MYO3A: variants seen among roughly 807,000 people sequenced by gnomAD.
MYO3A encodes the protein myosin IIIA.
In MYO3A, 180 loss-of-function variants were observed where a neutral mutation model predicts 192.7. The observed-to-expected ratio is 0.93, with a 90% CI of 0.83 to 1.06. The LOEUF (loss-of-function observed/expected upper bound fraction) is 1.06, where lower values mean the gene tolerates loss of function less well. Ranked by LOEUF, MYO3A falls within the 50% of genes least tolerant of loss-of-function variation. The pLI is 0.00. For synonymous variants in MYO3A, 628 were observed against 645.3 expected (o/e 0.97, Z 0.41); for missense variants, 1,896 against 1,905.0 (o/e 1.00, Z 0.09).
chr10:26,030,417 C>T (rs1260627112), intron 10 of MYO3A, among the ~76,000 whole-genome samples: 2 of 152,114 alleles, frequency 1.3e-5, no homozygotes, highest in Admixed American at 1.3e-4. Context: ...CCACAACACT[C>T]TCTTGACCAT....
rs138595608 is a variant in MYO3A, at chr10:26,012,551, A to G, written c.509-4269A>G. Among the ~76,000 whole-genome samples the G allele has an allele frequency of 2.4e-3, 361 of 152,266 alleles. 2 individuals are homozygous for G. The highest frequency in any genetic ancestry group is 8.0e-3 in the African/African-American group (332 of 41,570). On this transcript the variant is annotated intron_variant, in intron 6 of 34. Coordinates refer to ENST00000642920, the MANE Select transcript of MYO3A (RefSeq NM_017433.5). ...TTAACTGAACAGGTGAAAGATCTCT[A>G]CAAGGAGAACTACAAAACACTGCCA...
intron 17 of MYO3A, among the ~76,000 whole-genome samples, chr10:26,103,189 A>T (rs1257602535): frequency 1.3e-5 from 2 of 152,196 alleles, no homozygotes; most frequent in Non-Finnish European, 2.9e-5. Context: ...CCTCCGGGCC[A>T]TGTGTGGGAT....
intron 17 of MYO3A, among the ~76,000 whole-genome samples, chr10:26,109,457 T>A (rs1402437): frequency 0.32 from 48,164 of 152,124 alleles, 7,831 homozygotes; most frequent in Middle Eastern, 0.45. Flanking sequence ...AATCTTCTCT[T>A]TGTCTGGCAT....
chr10:26,119,981 T>C, intron 17 of MYO3A, among the ~76,000 whole-genome samples: 1 of 145,132 alleles, frequency 6.9e-6, no homozygotes. Flanking sequence ...CATGGCGAGA[T>C]CCTGTCTCTA....
chr10:26,204,682 T>C (rs532176421), intron 34 of MYO3A, among the ~76,000 whole-genome samples: 7 of 152,338 alleles, frequency 4.6e-5, no homozygotes, highest in African/African-American at 1.2e-4. Context: ...AATTTCTAAG[T>C]TTAGAGTTGA....
rs779505144 is a variant in MYO3A, at chr10:25,997,167, A to G, written c.417A>G (p.Gln139=). The change falls in exon 6 of 35, where the codon CAA becomes CAG. Residue 139 remains glutamine (Q), a synonymous_variant. Transcript: ENST00000642920. ...TATTTCTTATCTTCTAGGGACTTCAACATTTGCATAACAACAAAACTATCC... is the reference window on the plus strand; with the variant it reads ...TATTTCTTATCTTCTAGGGACTTCAGCATTTGCATAACAACAAAACTATCC... ...YILHEALMGL[Q]HLHNNKTIHR... 7 of 1,612,556 alleles carry G rather than the reference A, an allele frequency of 4.3e-6. No individual in the cohort carries two copies. Among genetic ancestry groups the G allele is most frequent in the Middle Eastern group, 1.6e-4 (1 of 6,072 alleles).
chr10:26,023,617 C>G (rs1274120334), intron 8 of MYO3A: 2 of 231,730 alleles, frequency 8.6e-6, no homozygotes, highest in South Asian at 6.5e-5. Context: ...ACACCTTCCT[C>G]CATATTCCAA....
chr10:25,959,387 A>G (rs1197342136), intron 4 of MYO3A, among the ~76,000 whole-genome samples: 1 of 152,170 alleles, frequency 6.6e-6, no homozygotes, highest in Non-Finnish European at 1.5e-5. Flanking sequence ...ATAAAGCAAT[A>G]AAAACATAGA....
chr10:26,014,680 T>C (rs1841883882), intron 6 of MYO3A, among the ~76,000 whole-genome samples: 1 of 152,100 alleles, frequency 6.6e-6, no homozygotes, highest in Non-Finnish European at 1.5e-5. Context: ...ACTATCACAG[T>C]GTCTTAACCT....
At position 26,211,825 on chromosome 10, in the gene MYO3A, C is replaced by T; in HGVS notation, c.4731-18C>T. ...ACTGTGGTGAGGTTGACACTTGGGCCCTGGGTTTCACTTGCAGGTGCTGGG... is the reference window on the plus strand; with the variant it reads ...ACTGTGGTGAGGTTGACACTTGGGCTCTGGGTTTCACTTGCAGGTGCTGGG... On this transcript the variant is annotated intron_variant, in intron 34 of 34. Transcript: ENST00000642920. 3 of 1,613,930 alleles carry T rather than the reference C, an allele frequency of 1.9e-6. No homozygotes were observed. The highest frequency in any genetic ancestry group is 2.5e-6 in the Non-Finnish European group (3 of 1,180,002).
chr10:26,095,340 T>C (rs560672390), intron 15 of MYO3A, among the ~76,000 whole-genome samples: 1 of 152,216 alleles, frequency 6.6e-6, no homozygotes, highest in South Asian at 2.1e-4. Context: ...CCTGTGAGCC[T>C]GGTGATAATG....
intron 32 of MYO3A, among the ~76,000 whole-genome samples, chr10:26,198,962 C>T (rs1423662222): frequency 6.6e-6 from 1 of 152,100 alleles, no homozygotes; most frequent in African/African-American, 2.4e-5. Flanking sequence ...AAAAAGTCCC[C>T]ACTATAAAGT....
At position 25,966,585 on chromosome 10, in the gene MYO3A, A is replaced by T. The variant is rs146941462; in HGVS notation, c.303+11577A>T. Among the ~76,000 whole-genome samples the T allele has an allele frequency of 3.6e-3, 548 of 152,342 alleles. 2 individuals are homozygous for T. The highest frequency in any genetic ancestry group is 5.0e-3 in the Non-Finnish European group (340 of 68,034). ...TGCTACCTGAAAACAAACAAAAAAA[A>T]ACTGAACAGTTTTAGTACCTTTATT... On this transcript the variant is annotated intron_variant, in intron 4 of 34. Transcript: ENST00000642920.
chr10:26,002,717 A>AGTCAGGGTGGACCAGATAATCGG (rs1554800223), intron 6 of MYO3A, among the ~76,000 whole-genome samples: 1 of 149,624 alleles, frequency 6.7e-6, no homozygotes, highest in Admixed American at 6.6e-5. Flanking sequence ...GAGGTAATTG[A>AGTCAGGGTGGACCAGATAATCGG]AAAAGGTTGC....
chr10:25,945,464 C>G (rs1836774093), intron 2 of MYO3A, among the ~76,000 whole-genome samples: 1 of 152,078 alleles, frequency 6.6e-6, no homozygotes, highest in Non-Finnish European at 1.5e-5. Context: ...ATATTGAAAT[C>G]TACTATTATT....
At chr10:26,133,660 C>G (rs1168879644) in intron 20 of MYO3A, among the ~76,000 whole-genome samples, 6 of 152,194 alleles carry the variant, frequency 3.9e-5, no homozygotes, top group Admixed American at 1.3e-4. Flanking sequence ...GTGGCACAAT[C>G]AAGACTCACT....
chr10:25,935,093 G>C (rs118155106), intron 1 of MYO3A, among the ~76,000 whole-genome samples: 9,682 of 152,180 alleles, frequency 0.064, 402 homozygotes, highest in Non-Finnish European at 0.094. Context: ...ACTGCGTTCC[G>C]GGTGATTTCT....
Position 26,067,348 on chromosome 10 carries a change from T to C in MYO3A, c.1053+274T>C, listed in dbSNP as rs61846590. ...TCATTTTTGTCTGATGCTCAACTGA[T>C]AGGGGTGAGGTCCTCGCAGTGTAAG... On this transcript the variant is annotated intron_variant, in intron 11 of 34. Transcript: ENST00000642920. 0.47 allele frequency among the ~76,000 whole-genome samples: 72,225 copies of C among 152,084 alleles called. 17,943 individuals are homozygous for C. The highest frequency in any genetic ancestry group is 0.59 in the Middle Eastern group (173 of 292).
chr10:25,936,309 CT>C (rs538820826), intron 2 of MYO3A, among the ~76,000 whole-genome samples: 36 of 152,008 alleles, frequency 2.4e-4, no homozygotes, highest in African/African-American at 8.4e-4. Context: ...CCATTATTTG[CT>C]ACAAGTGGTT....
Sources: allele counts gnomAD v4.1 joint callset (sites outside exome capture counted in the v4.1 genomes callset), GRCh38; gene constraint gnomAD v4.1.1; transcripts MANE v1.5; gene names NCBI Gene and HGNC (gene_info 2026-07-23, HGNC 2026-07-21).